CACNA2D3: variants seen among roughly 807,000 people sequenced by gnomAD.
CACNA2D3 encodes voltage-dependent calcium channel subunit alpha-2/delta-3.
CACNA2D3 carries 60 observed loss-of-function variants against 160.6 expected under a neutral mutation model. The ratio of observed to expected loss-of-function variants is 0.37; its 90% CI spans 0.30 to 0.46. CACNA2D3 has a LOEUF of 0.46. Among genes scored for constraint, CACNA2D3 ranks in the 20% least tolerant of loss-of-function variants. The pLI is 1.00. For missense variants in CACNA2D3, 1,205 were observed against 1,365.0 expected (o/e 0.88, Z 1.85); for synonymous variants, 558 against 492.9 (o/e 1.13, Z -1.75).
At chr3:54,411,484 C>CCAG (rs1444135564) in intron 4 of CACNA2D3, among the ~76,000 whole-genome samples, 1 of 152,142 alleles carries the variant, frequency 6.6e-6, no homozygotes, top group Admixed American at 6.6e-5. Flanking sequence ...AGACCCTCCA[C>CCAG]CAGCAGAAAG....
chr3:54,913,897 G>A (rs766645415), intron 27 of CACNA2D3, among the ~76,000 whole-genome samples: 5 of 152,196 alleles, frequency 3.3e-5, no homozygotes, highest in Admixed American at 3.3e-4. Flanking sequence ...TGGTTACTAT[G>A]AGGCTTAGAG....
intron 27 of CACNA2D3, among the ~76,000 whole-genome samples, chr3:54,921,964 T>C (rs1700865055): frequency 3.3e-5 from 5 of 152,236 alleles, no homozygotes; most frequent in Non-Finnish European, 7.3e-5. Context: ...TTTGCCTGTA[T>C]TCAATATATC....
chr3:54,911,649 T>A (rs9682438), intron 27 of CACNA2D3, among the ~76,000 whole-genome samples: 103,152 of 151,572 alleles, frequency 0.68, 35,869 homozygotes, highest in African/African-American at 0.82. Context: ...TCCACTTTCA[T>A]CTCTGCCCTG....
chr3:54,786,689 T>G (rs1353319970), intron 13 of CACNA2D3, among the ~76,000 whole-genome samples: 1 of 152,226 alleles, frequency 6.6e-6, no homozygotes, highest in African/African-American at 2.4e-5. Context: ...TGTAATGCAC[T>G]TATCACTTAG....
intron 4 of CACNA2D3, among the ~76,000 whole-genome samples, chr3:54,444,057 C>T (rs2106800931): frequency 6.6e-6 from 1 of 152,296 alleles, no homozygotes; most frequent in Non-Finnish European, 1.5e-5. Context: ...ACCCGGGCCA[C>T]ATTTTGTTTA....
intron 4 of CACNA2D3, among the ~76,000 whole-genome samples, chr3:54,461,057 T>C (rs1700495087): frequency 6.6e-6 from 1 of 152,114 alleles, no homozygotes; most frequent in African/African-American, 2.4e-5. Context: ...TCTTTGGTTC[T>C]GTTTATATGC....
intron 4 of CACNA2D3, among the ~76,000 whole-genome samples, chr3:54,436,852 G>C (rs764676782): frequency 2.0e-5 from 3 of 152,042 alleles, no homozygotes; most frequent in African/African-American, 7.2e-5. Flanking sequence ...CCTAGATGAC[G>C]GGTTGATACA....
intron 17 of CACNA2D3, among the ~76,000 whole-genome samples, chr3:54,870,193 C>T (rs911560156): frequency 1.3e-5 from 2 of 152,098 alleles, no homozygotes; most frequent in African/African-American, 2.4e-5. Flanking sequence ...CCCTTCTGGC[C>T]CTCCCCTCAT....
chr3:54,274,736 TA>T (rs1414533667), intron 2 of CACNA2D3, among the ~76,000 whole-genome samples: 1 of 152,152 alleles, frequency 6.6e-6, no homozygotes, highest in Non-Finnish European at 1.5e-5. Context: ...AAGGCTCGGC[TA>T]GGGGGGAACT....
chr3:54,170,800 A>C (rs991440964), intron 2 of CACNA2D3, among the ~76,000 whole-genome samples: 2 of 152,224 alleles, frequency 1.3e-5, no homozygotes, highest in Non-Finnish European at 2.9e-5. Context: ...CCAAATTTTC[A>C]TCAAACTTGA....
intron 2 of CACNA2D3, among the ~76,000 whole-genome samples, chr3:54,298,825 C>T (rs1410660510): frequency 6.6e-6 from 1 of 151,406 alleles, no homozygotes; most frequent in Non-Finnish European, 1.5e-5. Flanking sequence ...GGCAGTGGCT[C>T]AAACCTGCTA....
chr3:54,643,672 G>A (rs1357099330), intron 11 of CACNA2D3, among the ~76,000 whole-genome samples: 4 of 152,324 alleles, frequency 2.6e-5, no homozygotes, highest in South Asian at 2.1e-4. Context: ...ACAGGTAGAG[G>A]CCAGAATTAG....
intron 2 of CACNA2D3, among the ~76,000 whole-genome samples, chr3:54,289,417 G>T (rs1028493216): frequency 6.6e-6 from 1 of 151,968 alleles, no homozygotes; most frequent in African/African-American, 2.4e-5. Context: ...AGGATACAAA[G>T]AAATGGAAGA....
chr3:54,607,054 G>A (rs182342332), intron 9 of CACNA2D3, among the ~76,000 whole-genome samples: 210 of 152,138 alleles, frequency 1.4e-3, no homozygotes, highest in Non-Finnish European at 2.3e-3. Context: ...GTAGTCCTTC[G>A]AGCCAGAGAA....
At chr3:54,710,226 T>C (rs771233291) in intron 11 of CACNA2D3, among the ~76,000 whole-genome samples, 6 of 152,116 alleles carry the variant, frequency 3.9e-5, no homozygotes, top group Non-Finnish European at 8.8e-5. Context: ...TAATGGCAAA[T>C]TGTGGTAAGT....
intron 3 of CACNA2D3, among the ~76,000 whole-genome samples, chr3:54,353,337 C>A (rs1017906020): frequency 6.6e-6 from 1 of 152,176 alleles, no homozygotes; most frequent in African/African-American, 2.4e-5. Flanking sequence ...TGGTTTGTAT[C>A]CAGCAGCTGA....
chr3:54,933,702 A>G (rs999877791), intron 27 of CACNA2D3, among the ~76,000 whole-genome samples: 3 of 152,130 alleles, frequency 2.0e-5, no homozygotes, highest in African/African-American at 7.2e-5. Flanking sequence ...TACTTTCTTC[A>G]AAACCCACTT....
intron 11 of CACNA2D3, among the ~76,000 whole-genome samples, chr3:54,671,157 C>T (rs1700152878): frequency 6.6e-6 from 1 of 151,536 alleles, no homozygotes; most frequent in African/African-American, 2.4e-5. Flanking sequence ...GGCCCATCCT[C>T]CATTTTGGAA....
chr3:54,294,732 C>G (rs1480141669), intron 2 of CACNA2D3, among the ~76,000 whole-genome samples: 1 of 152,066 alleles, frequency 6.6e-6, no homozygotes, highest in Non-Finnish European at 1.5e-5. Context: ...CAGGGTGGTG[C>G]TAGTTTAGGG....
Sources: allele counts gnomAD v4.1 joint callset (sites outside exome capture counted in the v4.1 genomes callset), GRCh38; gene constraint gnomAD v4.1.1; transcripts MANE v1.5; gene names NCBI Gene and HGNC (gene_info 2026-07-23, HGNC 2026-07-21).